ZFP64: variants seen among roughly 807,000 people sequenced by gnomAD.
ZFP64 encodes the protein zinc finger protein 64.
A neutral mutation model predicts 51.6 loss-of-function variants in ZFP64; 14 were observed. The ratio of observed to expected loss-of-function variants is 0.27; its 90% CI spans 0.18 to 0.42. The LOEUF (loss-of-function observed/expected upper bound fraction) is 0.42. Ranked by LOEUF, ZFP64 falls within the 10% of genes least tolerant of loss-of-function variation. The pLI, the probability that ZFP64 is intolerant of heterozygous loss-of-function variation, is 1.00. For missense variants in ZFP64, 754 were observed against 906.8 expected, an observed-to-expected ratio of 0.83 and a Z score of 2.16; for synonymous variants, 375 against 361.4, an observed-to-expected ratio of 1.04 and a Z score of -0.43.
intron 7 of ZFP64, among the ~76,000 whole-genome samples, chr20:52,093,449 T>C (rs1334598370): frequency 6.6e-6 from 1 of 152,184 alleles, no homozygotes; most frequent in Non-Finnish European, 1.5e-5. Context: ...CATCAGGAGA[T>C]TTTTATCTGG....
intron 5 of ZFP64, among the ~76,000 whole-genome samples, chr20:52,119,534 AT>A (rs372813050): frequency 0.047 from 1,944 of 41,730 alleles, 29 homozygotes; most frequent in South Asian, 0.15. Context: ...AAAAAAAAAA[AT>A]ATATATATAT....
At chr20:52,166,048 A>C in intron 2 of ZFP64, 23 bp from the exon 3 acceptor site, 1 of 1,592,322 alleles carries the variant, frequency 6.3e-7, no homozygotes, top group Non-Finnish European at 8.5e-7. Context: ...GTGATTATTA[A>C]TTTTCTTAAT....
At chr20:52,113,563 GA>G (rs540998138) in intron 5 of ZFP64, among the ~76,000 whole-genome samples, 236 of 145,164 alleles carry the variant, frequency 1.6e-3, no homozygotes, top group African/African-American at 5.9e-3. Context: ...AAGTAGCTGA[GA>G]TTACAAGGCA....
At chr20:52,112,706 C>T (rs888004086) in intron 5 of ZFP64, among the ~76,000 whole-genome samples, 2 of 151,774 alleles carry the variant, frequency 1.3e-5, no homozygotes, top group Non-Finnish European at 2.9e-5. Flanking sequence ...TCTCAACTTC[C>T]AGGTCTCAAG....
At chr20:52,174,323 T>C (rs562434726) in intron 2 of ZFP64, among the ~76,000 whole-genome samples, 5 of 151,924 alleles carry the variant, frequency 3.3e-5, no homozygotes, top group African/African-American at 1.2e-4. Flanking sequence ...TTGTCTCTAC[T>C]AAAAATACAA....
intron 5 of ZFP64, among the ~76,000 whole-genome samples, chr20:52,107,115 T>TAC (rs199517524): frequency 2.9e-5 from 2 of 70,070 alleles, no homozygotes; most frequent in Non-Finnish European, 6.0e-5. Flanking sequence ...TATGTATATA[T>TAC]ACACACACGT....
intron 5 of ZFP64, among the ~76,000 whole-genome samples, chr20:52,101,114 A>G (rs2079045418): frequency 6.6e-6 from 1 of 152,188 alleles, no homozygotes; most frequent in Non-Finnish European, 1.5e-5. Flanking sequence ...GGATGCTGCT[A>G]GACATCCTAT....
intron 5 of ZFP64, among the ~76,000 whole-genome samples, chr20:52,138,114 G>T (rs993867115): frequency 1.3e-5 from 2 of 152,030 alleles, no homozygotes; most frequent in African/African-American, 4.8e-5. Flanking sequence ...GGCTGAGGTG[G>T]GAGGATCACT....
At chr20:52,150,204 C>CA (rs11474043), downstream of ZFP64, among the ~76,000 whole-genome samples, 62,955 of 137,358 alleles carry the variant, frequency 0.46, 15,628 homozygotes, top group African/African-American at 0.66. Flanking sequence ...GACTCCACCT[C>CA]AAAAAAAAAA....
intron 2 of ZFP64, among the ~76,000 whole-genome samples, chr20:52,178,396 AATT>A (rs1201165170): frequency 6.6e-6 from 1 of 152,170 alleles, no homozygotes; most frequent in Non-Finnish European, 1.5e-5. Context: ...TGGGGATAAT[AATT>A]ATTATTACCT....
chr20:52,087,734 G>T (rs1373250683), intron 8 of ZFP64, among the ~76,000 whole-genome samples: 1 of 152,210 alleles, frequency 6.6e-6, no homozygotes, highest in African/African-American at 2.4e-5. Flanking sequence ...CTACATGCTT[G>T]TTCCAAGCCC....
intron 5 of ZFP64, among the ~76,000 whole-genome samples, chr20:52,109,859 C>T (rs1378183142): frequency 1.3e-5 from 2 of 149,394 alleles, no homozygotes; most frequent in East Asian, 4.0e-4. Flanking sequence ...TAGGTGACAA[C>T]TTTTCATTGT....
rs1389893364 is a variant in ZFP64, at chr20:52,105,129, C to T, written c.764-6542G>A. ...CGGGCGGGGCTCCAGCGGCGCTACT[C>T]ACCCGGCTCCCCCGCCACCTGCGGG... On this transcript the variant is annotated intron_variant, in intron 5 of 8. Coordinates refer to the ZFP64 transcript ENST00000361387. The T allele has an allele frequency of 3.5e-6, 5 of 1,422,218 alleles. No individual in the cohort carries two copies. In the Admixed American group the frequency reaches 1.6e-4, roughly 45 times the overall value. 88.1% of individuals were successfully genotyped at this position (1,422,218 alleles called of 1,614,324 possible).
At position 52,160,302 on chromosome 20, in the gene ZFP64, C is replaced by A; in HGVS notation, c.584G>T (p.Arg195Leu). The A allele has an allele frequency of 6.2e-7, 1 of 1,614,224 alleles. No individual in the cohort carries two copies. Among genetic ancestry groups the A allele is most frequent in the Non-Finnish European group, 8.5e-7 (1 of 1,180,052 alleles). Reference sequence around the variant, plus strand: ...GTAGGGCTTCACGCCCGTGTGGCACCGCATGTGAGTTTTCAGCTTGTCTTT... The same window carrying A: ...GTAGGGCTTCACGCCCGTGTGGCACAGCATGTGAGTTTTCAGCTTGTCTTT... ...SRKDKLKTHM[R>L]CHTGVKPYKC... Residue 195 changes from arginine (R) to leucine (L), a missense_variant, in exon 5 of 6, where the codon CGG becomes CTG. By Grantham distance (102) the Arg-to-Leu change is moderately radical (BLOSUM62 -2). Around this residue, in one of 3 missense-constraint regions of ZFP64, gnomAD observed 231 missense variants for 336.7 expected, o/e 0.69. Coordinates refer to ENST00000216923, the MANE Select transcript of ZFP64 (RefSeq NM_018197.3). This position sits in a 1 kb window ranked among gnomAD's most constrained non-coding sequence, Gnocchi z 4.2.
At chr20:52,164,649 A>C in intron 4 of ZFP64, 46 bp downstream of exon 4, 1 of 1,524,544 alleles carries the variant, frequency 6.6e-7, no homozygotes, top group Non-Finnish European at 9.1e-7. Flanking sequence ...ATCTCCTAGC[A>C]CAGAGCAGGT....
At chr20:52,139,489 G>A (rs1035334247) in intron 5 of ZFP64, among the ~76,000 whole-genome samples, 1 of 152,068 alleles carries the variant, frequency 6.6e-6, no homozygotes, top group African/African-American at 2.4e-5. Flanking sequence ...AACAGACACT[G>A]GGTTCTACTT....
chr20:52,174,623 C>T (rs886671260), intron 2 of ZFP64, among the ~76,000 whole-genome samples: 4 of 151,950 alleles, frequency 2.6e-5, no homozygotes, highest in African/African-American at 9.7e-5. Context: ...GAAAACACAA[C>T]CTCTAATGGC....
intron 5 of ZFP64, among the ~76,000 whole-genome samples, chr20:52,118,458 T>C (rs1307089841): frequency 6.6e-6 from 1 of 152,202 alleles, no homozygotes; most frequent in Non-Finnish European, 1.5e-5. Flanking sequence ...GGTCAGTGTC[T>C]TGCCTACTCC....
At chr20:52,119,336 C>T (rs1454316701) in intron 5 of ZFP64, among the ~76,000 whole-genome samples, 6 of 150,164 alleles carry the variant, frequency 4.0e-5, no homozygotes, top group African/African-American at 9.8e-5. Flanking sequence ...GCCAACATGT[C>T]GAAACCCCGA....
Sources: gnomAD v4.1 joint callset for allele counts (sites outside exome capture counted in the v4.1 genomes callset) on GRCh38, gnomAD v4.1.1 for gene constraint, gnomAD v4.1.1 regional missense constraint, Gnocchi (gnomAD v3.1) non-coding constraint, MANE v1.5 for transcripts, NCBI Gene and HGNC (gene_info 2026-07-23, HGNC 2026-07-21) for gene names.